TMEM181: variants seen among roughly 807,000 people sequenced by gnomAD.
TMEM181 encodes transmembrane protein 181, also known as G protein-coupled receptor 178.
In TMEM181, 39 loss-of-function variants were observed where a neutral mutation model predicts 71.9. The observed-to-expected ratio is 0.54, with a 90% confidence interval of 0.42 to 0.71. The LOEUF is 0.71. TMEM181 is among the 30% of genes least tolerant of loss of function. The probability of loss-of-function intolerance (pLI) is 0.00; values close to 1 mark genes in which losing one functional copy is unlikely to be tolerated. For synonymous variants in TMEM181, 245 were observed against 228.8 expected (o/e 1.07, Z -0.64); for missense variants, 595 against 583.0 (o/e 1.02, Z -0.21).
At chr6:158,607,952 C>T (rs1021155912) in intron 8 of TMEM181, among the ~76,000 whole-genome samples, 2 of 152,274 alleles carry the variant, frequency 1.3e-5, no homozygotes, top group Non-Finnish European at 2.9e-5. Flanking sequence ...TGTTTGCTTC[C>T]CGAGCTGCCG....
chr6:158,632,755 A>G lies in TMEM181; in HGVS notation c.*867A>G, dbSNP rs1263912003. The G allele has an allele frequency of 6.6e-6, 1 of 152,258 alleles. No homozygotes were observed. Among genetic ancestry groups the G allele is most frequent in the Non-Finnish European group, 1.5e-5 (1 of 68,048 alleles). The allele number at this position is 152,258 out of a possible 1,614,324, so 9.4% of individuals were successfully genotyped here. On this transcript the variant is annotated 3_prime_UTR_variant, in exon 17 of 17. Transcript: ENST00000684151. Reference sequence around the variant, plus strand: ...TGAATATGAAATGCCATAGAGCTTTATTTATTTATGTAAGTAAAAGCTAAA... The same window carrying G: ...TGAATATGAAATGCCATAGAGCTTTGTTTATTTATGTAAGTAAAAGCTAAA...
At chr6:158,592,809 T>C (rs749817211) in intron 6 of TMEM181, among the ~76,000 whole-genome samples, 1 of 152,120 alleles carries the variant, frequency 6.6e-6, no homozygotes, top group African/African-American at 2.4e-5. Flanking sequence ...TCCCAGCTAC[T>C]AGGTAGGCTT....
intron 5 of TMEM181, among the ~76,000 whole-genome samples, chr6:158,589,308 G>A (rs1014753463): frequency 2.0e-5 from 3 of 152,190 alleles, no homozygotes; most frequent in Non-Finnish European, 2.9e-5. Flanking sequence ...AAATTAGGCC[G>A]CGGCATCTGC....
intron 10 of TMEM181, among the ~76,000 whole-genome samples, chr6:158,621,222 C>G (rs889560450): frequency 1.3e-5 from 2 of 152,216 alleles, no homozygotes; most frequent in South Asian, 2.1e-4. Flanking sequence ...AGACTTTCCC[C>G]TCTCTGTCTG....
chr6:158,537,037 A>G (rs1174620634), intron 1 of TMEM181, among the ~76,000 whole-genome samples: 1 of 151,754 alleles, frequency 6.6e-6, no homozygotes, highest in Non-Finnish European at 1.5e-5. Flanking sequence ...GGGAGGGACC[A>G]GGAAGGGGAC....
At chr6:158,598,104 T>G (rs1452172083) in intron 6 of TMEM181, among the ~76,000 whole-genome samples, 1 of 152,184 alleles carries the variant, frequency 6.6e-6, no homozygotes, top group Non-Finnish European at 1.5e-5. Flanking sequence ...CTGTGTTTTT[T>G]AAAAAGTTGG....
intron 6 of TMEM181, among the ~76,000 whole-genome samples, chr6:158,600,539 G>A (rs1193405300): frequency 7.1e-6 from 1 of 140,238 alleles, no homozygotes; most frequent in African/African-American, 2.7e-5. Context: ...GTGCAATCTT[G>A]GCTCACTGCA....
intron 6 of TMEM181, among the ~76,000 whole-genome samples, chr6:158,597,367 C>G (rs2128309814): frequency 6.6e-6 from 1 of 152,288 alleles, no homozygotes; most frequent in South Asian, 2.1e-4. Context: ...AGTCCAGGAT[C>G]CAGGCACTGG....
intron 12 of TMEM181, 34 bp downstream of exon 12, chr6:158,625,240 G>C: frequency 6.3e-7 from 1 of 1,582,344 alleles, no homozygotes; most frequent in Non-Finnish European, 8.7e-7. Context: ...TGCAGGGGTG[G>C]CTTGGGAGTG....
chr6:158,538,143 G>GTT lies in TMEM181; in HGVS notation c.131+1288_131+1289dup, dbSNP rs371698935. Among the ~76,000 whole-genome samples, 398 of 136,268 alleles carry GTT rather than the reference G, an allele frequency of 2.9e-3. 1 individual carries two copies. The highest frequency in any genetic ancestry group is 8.2e-3 in the South Asian group (35 of 4,254). The allele number at this position is 136,268 out of a possible 152,430, so 89.4% of individuals were successfully genotyped here. A position where few individuals can be genotyped will look rare whatever the true frequency, so the allele number is the denominator to read the frequency against. Reference sequence around the variant, plus strand: ...TCCCCCGTCCCCCGCCCCCTACTCTGTTTTTTTTTTTCCTATTTATTTATT... The same window carrying GTT: ...TCCCCCGTCCCCCGCCCCCTACTCTGTTTTTTTTTTTTTCCTATTTATTTATT... On this transcript the variant is annotated intron_variant, in intron 1 of 16. Transcript: ENST00000367090.
At chr6:158,541,823 C>G (rs1390471104) in intron 1 of TMEM181, among the ~76,000 whole-genome samples, 1 of 117,976 alleles carries the variant, frequency 8.5e-6, no homozygotes, top group African/African-American at 3.0e-5. Flanking sequence ...TAACTATTGA[C>G]TGACAACTCT....
At chr6:158,590,273 C>G (rs1281181271) in intron 6 of TMEM181, among the ~76,000 whole-genome samples, 1 of 151,854 alleles carries the variant, frequency 6.6e-6, no homozygotes, top group African/African-American at 2.4e-5. Flanking sequence ...ACGCTGCCTC[C>G]ATCATTGACT....
At chr6:158,570,928 T>G (rs1782770665) in intron 1 of TMEM181, among the ~76,000 whole-genome samples, 1 of 151,700 alleles carries the variant, frequency 6.6e-6, no homozygotes, top group Non-Finnish European at 1.5e-5. Flanking sequence ...TGGTTTTTTT[T>G]TTTGAGATGG....
intron 10 of TMEM181, among the ~76,000 whole-genome samples, chr6:158,612,145 C>T (rs1002284654): frequency 1.3e-5 from 2 of 152,050 alleles, no homozygotes; most frequent in East Asian, 1.9e-4. Flanking sequence ...GACTTGGGTG[C>T]CCAGCTGTGC....
intron 1 of TMEM181, among the ~76,000 whole-genome samples, chr6:158,547,910 A>G (rs1276171452): frequency 6.6e-6 from 1 of 151,152 alleles, no homozygotes; most frequent in Non-Finnish European, 1.5e-5. Context: ...AAAAAAAAAA[A>G]AAAGAGTCCT....
At chr6:158,598,243 C>T (rs1784489166) in intron 6 of TMEM181, among the ~76,000 whole-genome samples, 1 of 152,244 alleles carries the variant, frequency 6.6e-6, no homozygotes, top group South Asian at 2.1e-4. Context: ...GCGTCATCCT[C>T]AGCACCCTGA....
In TMEM181 at chr6:158,571,408, C is replaced by T. The variant is rs866446675; in HGVS notation, c.9-2012C>T. ...GCCCGCCTTGGCCTTGTGATCTGCC[C>T]GCCTTGGCCTCCCAAAGTGCTGAGA... On this transcript the variant is annotated intron_variant, in intron 1 of 16. Coordinates refer to ENST00000684151, the MANE Select transcript of TMEM181 (RefSeq NM_001376852.1). Among the ~76,000 whole-genome samples, 15 of 96,728 alleles carry T rather than the reference C, an allele frequency of 1.6e-4. 1 individual carries two copies. The highest frequency in any genetic ancestry group is 4.8e-4 in the African/African-American group (13 of 26,826). The allele number at this position is 96,728 out of a possible 152,430, so 63.5% of individuals were successfully genotyped here.
At chr6:158,550,892 G>GAAA (rs368216274) in intron 1 of TMEM181, among the ~76,000 whole-genome samples, 4 of 87,092 alleles carry the variant, frequency 4.6e-5, no homozygotes, top group African/African-American at 8.6e-5. Context: ...TCTGTCTCAG[G>GAAA]AAAAAAAAAA....
chr6:158,559,984 G>A, upstream of TMEM181: 4 of 927,028 alleles, frequency 4.3e-6, no homozygotes, highest in African/African-American at 1.8e-5. Flanking sequence ...CCACGAAGGA[G>A]GGCCACCCCC....
Sources: allele counts gnomAD v4.1 joint callset (sites outside exome capture counted in the v4.1 genomes callset), GRCh38; gene constraint gnomAD v4.1.1; transcripts MANE v1.5; gene names NCBI Gene and HGNC (gene_info 2026-07-23, HGNC 2026-07-21).